CUX1: variants seen among roughly 807,000 people sequenced by gnomAD.
CUX1 encodes the protein cut like homeobox 1.
In CUX1, 31 loss-of-function variants were observed where a neutral mutation model predicts 158.8. That is an observed-to-expected ratio of 0.20 (90% CI 0.15 to 0.26). The LOEUF (loss-of-function observed/expected upper bound fraction) is 0.26. Among genes scored for constraint, CUX1 ranks in the 10% least tolerant of loss-of-function variants. The pLI is 1.00. For missense variants in CUX1, 1,589 were observed against 2,014.6 expected (o/e 0.79, Z 4.04); for synonymous variants, 879 against 862.1 (o/e 1.02, Z -0.34).
At chr7:102,011,233 G>A (rs965191032) in intron 2 of CUX1, among the ~76,000 whole-genome samples, 12 of 151,984 alleles carry the variant, frequency 7.9e-5, no homozygotes, top group African/African-American at 2.9e-4. Flanking sequence ...TGTGAGTCTT[G>A]AAGCATTCAC....
At chr7:102,071,497 A>G (rs1462645717) in intron 4 of CUX1, among the ~76,000 whole-genome samples, 1 of 152,090 alleles carries the variant, frequency 6.6e-6, no homozygotes, top group African/African-American at 2.4e-5. Context: ...GAAAATTAGG[A>G]AAGTCACTTG....
intron 3 of CUX1, among the ~76,000 whole-genome samples, chr7:102,060,608 A>AAC (rs58786987): frequency 0.11 from 15,007 of 133,112 alleles, 878 homozygotes; most frequent in African/African-American, 0.13. Flanking sequence ...CACACAAATA[A>AAC]ACACACACAC....
chr7:102,087,328 C>T (rs1439268128), intron 4 of CUX1, among the ~76,000 whole-genome samples: 2 of 152,142 alleles, frequency 1.3e-5, no homozygotes, highest in Non-Finnish European at 2.9e-5. Flanking sequence ...CACCTGTAAT[C>T]CCAGCACTTT....
intron 8 of CUX1, among the ~76,000 whole-genome samples, chr7:102,130,848 TA>T (rs1198949790): frequency 1.3e-5 from 2 of 148,984 alleles, no homozygotes; most frequent in Non-Finnish European, 3.0e-5. Flanking sequence ...TTCCCACCCT[TA>T]AAAAAAAAAT....
At chr7:101,953,429 G>A (rs573679877) in intron 2 of CUX1, among the ~76,000 whole-genome samples, 13 of 152,264 alleles carry the variant, frequency 8.5e-5, no homozygotes, top group African/African-American at 2.6e-4. Context: ...CGGCCTTCTC[G>A]TTGATGAAAT....
At chr7:102,151,575 C>A (rs1421063607) in intron 8 of CUX1, among the ~76,000 whole-genome samples, 4 of 151,166 alleles carry the variant, frequency 2.6e-5, no homozygotes, top group African/African-American at 9.7e-5. Flanking sequence ...AATAAAAATA[C>A]AAAAATTAGC....
At chr7:102,259,978 C>G (rs997742036), downstream of CUX1, among the ~76,000 whole-genome samples, 1 of 151,788 alleles carries the variant, frequency 6.6e-6, no homozygotes, top group Admixed American at 6.6e-5. Context: ...GCCTGTAGTC[C>G]TAGCTACTCT....
At chr7:101,975,272 G>A (rs1812516372) in intron 2 of CUX1, among the ~76,000 whole-genome samples, 1 of 151,806 alleles carries the variant, frequency 6.6e-6, no homozygotes, top group Non-Finnish European at 1.5e-5. Context: ...AAAAGAGAGA[G>A]AGAGAGAGAA....
intron 2 of CUX1, among the ~76,000 whole-genome samples, chr7:101,921,465 T>TTTAC (rs1563012574): frequency 7.9e-5 from 12 of 151,958 alleles, no homozygotes; most frequent in South Asian, 2.1e-4. Flanking sequence ...TATTTATTTA[T>TTTAC]TTACTTATTT....
At chr7:102,109,449 G>A (rs1376979702) in intron 6 of CUX1, among the ~76,000 whole-genome samples, 1 of 152,140 alleles carries the variant, frequency 6.6e-6, no homozygotes, top group African/African-American at 2.4e-5. Flanking sequence ...AGTTTAAATT[G>A]GTGAAAGTTT....
At chr7:102,050,815 G>A (rs900443964) in intron 3 of CUX1, among the ~76,000 whole-genome samples, 1 of 151,756 alleles carries the variant, frequency 6.6e-6, no homozygotes, top group Non-Finnish European at 1.5e-5. Context: ...TGATCCTCCC[G>A]CCTCAACCTC....
intron 8 of CUX1, among the ~76,000 whole-genome samples, chr7:102,156,257 G>C (rs1342285530): frequency 3.3e-5 from 5 of 152,134 alleles, no homozygotes; most frequent in African/African-American, 1.2e-4. Flanking sequence ...CTGAGGCCAG[G>C]GTGATTTATA....
At chr7:102,165,564 C>CATGT in intron 9 of CUX1, among the ~76,000 whole-genome samples, 1 of 152,172 alleles carries the variant, frequency 6.6e-6, no homozygotes, top group East Asian at 1.9e-4. Context: ...AGGATTTCAC[C>CATGT]ATGTTGACCA....
intron 14 of CUX1, among the ~76,000 whole-genome samples, chr7:102,272,963 A>G (rs1420129455): frequency 6.6e-6 from 1 of 152,176 alleles, no homozygotes; most frequent in Non-Finnish European, 1.5e-5. Context: ...AACATCAGCT[A>G]GGAAGCAACC....
At chr7:101,988,359 A>G (rs1814610230) in intron 2 of CUX1, among the ~76,000 whole-genome samples, 1 of 152,070 alleles carries the variant, frequency 6.6e-6, no homozygotes, top group South Asian at 2.1e-4. Flanking sequence ...CCTGGCTGCA[A>G]AACCTCCAGG....
At chr7:101,973,583 C>T (rs376358073) in intron 2 of CUX1, among the ~76,000 whole-genome samples, 2 of 152,074 alleles carry the variant, frequency 1.3e-5, no homozygotes, top group African/African-American at 2.4e-5. Flanking sequence ...CAAATGAATG[C>T]ACCCGTGTCC....
intron 9 of CUX1, among the ~76,000 whole-genome samples, chr7:102,169,767 G>C (rs1015920617): frequency 6.6e-6 from 1 of 152,190 alleles, no homozygotes; most frequent in African/African-American, 2.4e-5. Context: ...TTCAGGAATT[G>C]CAGGCAAATG....
chr7:102,030,148 A>G (rs1820553581), intron 3 of CUX1, among the ~76,000 whole-genome samples: 1 of 152,008 alleles, frequency 6.6e-6, no homozygotes, highest in Non-Finnish European at 1.5e-5. Flanking sequence ...AGTAGCTGGG[A>G]TTACAGGCAT....
chr7:102,005,185 C>T (rs1189221550), intron 2 of CUX1, among the ~76,000 whole-genome samples: 2 of 152,084 alleles, frequency 1.3e-5, no homozygotes, highest in Admixed American at 6.6e-5. Context: ...ACTTGGCTCT[C>T]GATAGAGTCG....
Sources: gnomAD v4.1 joint callset for allele counts (sites outside exome capture counted in the v4.1 genomes callset) on GRCh38, gnomAD v4.1.1 for gene constraint, MANE v1.5 for transcripts, NCBI Gene and HGNC (gene_info 2026-07-23, HGNC 2026-07-21) for gene names.